BABAM2: variants seen among roughly 807,000 people sequenced by gnomAD.
BABAM2 encodes BRISC and BRCA1 A complex member 2.
Under a neutral mutation model 54.7 loss-of-function variants are expected in BABAM2, and 31 were observed. That is an observed-to-expected ratio of 0.57 (90% confidence interval 0.43 to 0.77). The LOEUF (loss-of-function observed/expected upper bound fraction) is 0.77. Among genes scored for constraint, BABAM2 ranks in the 30% least tolerant of loss-of-function variants. BABAM2 has a pLI of 0.00. For missense variants in BABAM2, 364 were observed against 455.8 expected, an observed-to-expected ratio of 0.80 and a Z score of 1.83; for synonymous variants, 167 against 162.9, an observed-to-expected ratio of 1.03 and a Z score of -0.19.
chr2:28,244,823 C>T lies in BABAM2; in HGVS notation c.895C>T (p.Leu299=). 1 of 1,614,006 alleles carries T rather than the reference C, an allele frequency of 6.2e-7. No individual in the cohort carries two copies. The highest frequency in any genetic ancestry group is 1.7e-5 in the Admixed American group (1 of 60,002). The part of the protein sequence containing the change: ...YDAEGFTKLT[L]LLMWKDFCFL... ...TGCAGAAGGCTTTACAAAACTCACT[C>T]TGCTGCTGATGTGGAAAGATTTTTG... is the stretch of plus-strand genomic sequence containing the variant. Residue 299 remains leucine, a synonymous_variant, in exon 10 of 12, where the codon CTG becomes TTG. Coordinates refer to ENST00000379624, the MANE Select transcript of BABAM2 (RefSeq NM_199191.3).
At chr2:28,138,833 C>T (rs1251593475) in intron 7 of BABAM2, among the ~76,000 whole-genome samples, 1 of 152,172 alleles carries the variant, frequency 6.6e-6, no homozygotes, top group Non-Finnish European at 1.5e-5. Context: ...TTCATCTCCT[C>T]ACCCTTGCCC....
At chr2:28,173,236 A>G (rs1249607429) in intron 7 of BABAM2, among the ~76,000 whole-genome samples, 3 of 152,216 alleles carry the variant, frequency 2.0e-5, no homozygotes, top group Admixed American at 6.5e-5. Context: ...TTGCCCTGGT[A>G]CAGGTTACCA....
intron 9 of BABAM2, among the ~76,000 whole-genome samples, chr2:28,241,857 A>C (rs1682469550): frequency 1.0e-4 from 12 of 120,024 alleles, no homozygotes; most frequent in East Asian, 7.4e-4. Context: ...CAAAGCTCCC[A>C]GGATCCCTTT....
At chr2:28,058,483 G>T (rs901394178) in intron 6 of BABAM2, among the ~76,000 whole-genome samples, 2 of 151,920 alleles carry the variant, frequency 1.3e-5, no homozygotes, top group East Asian at 3.9e-4. Context: ...CAGGGCTCAA[G>T]GTGATAGAAA....
chr2:28,149,221 C>T (rs1343267698), intron 7 of BABAM2, among the ~76,000 whole-genome samples: 1 of 152,042 alleles, frequency 6.6e-6, no homozygotes, highest in Non-Finnish European at 1.5e-5. Flanking sequence ...CCAGTGCTGC[C>T]CTGTTCCCTT....
At chr2:27,970,546 T>C (rs924763843) in intron 3 of BABAM2, among the ~76,000 whole-genome samples, 2 of 152,156 alleles carry the variant, frequency 1.3e-5, no homozygotes, top group Non-Finnish European at 2.9e-5. Context: ...ATTTTCATAC[T>C]TCACCCCTAA....
At chr2:28,147,853 A>G (rs1469786433) in intron 7 of BABAM2, among the ~76,000 whole-genome samples, 2 of 152,304 alleles carry the variant, frequency 1.3e-5, no homozygotes, top group African/African-American at 4.8e-5. Flanking sequence ...GATATGGTCC[A>G]GTGCATTCTT....
intron 10 of BABAM2, among the ~76,000 whole-genome samples, chr2:28,255,880 G>T (rs1234768549): frequency 6.6e-6 from 1 of 152,022 alleles, no homozygotes; most frequent in East Asian, 1.9e-4. Flanking sequence ...TCCCCAGGCT[G>T]GTCTTAAATT....
intron 11 of BABAM2, chr2:28,307,717 CAACT>C (rs1688683226): frequency 6.6e-6 from 1 of 151,872 alleles, no homozygotes; most frequent in South Asian, 2.1e-4. Flanking sequence ...TTTTAATAGT[CAACT>C]AACTTTTAAA....
At chr2:28,093,727 A>G (rs1035021276) in intron 6 of BABAM2, among the ~76,000 whole-genome samples, 3 of 152,208 alleles carry the variant, frequency 2.0e-5, no homozygotes, top group African/African-American at 7.2e-5. Context: ...TAAGCAAATG[A>G]TTATTGAACA....
chr2:28,184,263 C>CTCTCTCTCT (rs1676004291), intron 7 of BABAM2, among the ~76,000 whole-genome samples: 1 of 59,404 alleles, frequency 1.7e-5, no homozygotes, highest in Non-Finnish European at 3.1e-5. Context: ...TCCCTCCCTC[C>CTCTCTCTCT]CTCTCTCTCT....
intron 7 of BABAM2, among the ~76,000 whole-genome samples, chr2:28,202,995 A>G (rs1249576583): frequency 6.6e-6 from 1 of 152,102 alleles, no homozygotes; most frequent in Non-Finnish European, 1.5e-5. Context: ...CTATTGATGA[A>G]TCATTATGGG....
intron 1 of BABAM2, among the ~76,000 whole-genome samples, chr2:27,892,687 A>T (rs1380350286): frequency 6.6e-6 from 1 of 152,196 alleles, no homozygotes; most frequent in Admixed American, 6.5e-5. Context: ...GCTTGTGAAG[A>T]TCAACTGCAG....
chr2:28,295,667 T>C (rs1687626071), intron 10 of BABAM2, among the ~76,000 whole-genome samples: 1 of 152,148 alleles, frequency 6.6e-6, no homozygotes, highest in Admixed American at 6.5e-5. Flanking sequence ...AGCTAATTTT[T>C]TGTATTTTTA....
intron 7 of BABAM2, 119 bp from the exon 8 acceptor site, chr2:28,237,083 A>C (rs1467131188): frequency 1.4e-6 from 1 of 731,086 alleles, no homozygotes; most frequent in East Asian, 2.5e-5. Context: ...ACCCATCATC[A>C]TTAACCTAGG....
chr2:28,098,792 G>A, intron 6 of BABAM2, among the ~76,000 whole-genome samples: 1 of 152,298 alleles, frequency 6.6e-6, no homozygotes, highest in South Asian at 2.1e-4. Context: ...GAAAGAATAA[G>A]AAAAAATAAT....
chr2:27,945,649 G>T (rs987359189), intron 3 of BABAM2, among the ~76,000 whole-genome samples: 4 of 152,112 alleles, frequency 2.6e-5, no homozygotes, highest in African/African-American at 9.7e-5. Context: ...TCTTCCAAGA[G>T]ATAAAAATGC....
At chr2:28,200,255 A>G (rs1428152969) in intron 7 of BABAM2, among the ~76,000 whole-genome samples, 2 of 152,008 alleles carry the variant, frequency 1.3e-5, no homozygotes, top group Non-Finnish European at 2.9e-5. Flanking sequence ...TCCTGTATTC[A>G]TTTTTCACTG....
intron 2 of BABAM2, among the ~76,000 whole-genome samples, chr2:27,916,568 T>C (rs1196529468): frequency 3.3e-5 from 5 of 152,376 alleles, no homozygotes; most frequent in Admixed American, 2.6e-4. Flanking sequence ...AGGTACTTCC[T>C]GTGTGCCAGC....
Sources: allele counts gnomAD v4.1 joint callset (sites outside exome capture counted in the v4.1 genomes callset), GRCh38; gene constraint gnomAD v4.1.1; transcripts MANE v1.5; gene names NCBI Gene and HGNC (gene_info 2026-07-23, HGNC 2026-07-21).